ERC1: variants seen among roughly 807,000 people sequenced by gnomAD.
ERC1 encodes ELKS/RAB6-interacting/CAST family member 1.
ERC1 carries 56 observed loss-of-function variants against 132.0 expected under a neutral mutation model. The ratio of observed to expected loss-of-function variants is 0.42; its 90% CI spans 0.34 to 0.53. The LOEUF (loss-of-function observed/expected upper bound fraction) is 0.53. Ranked by LOEUF, ERC1 falls within the 20% of genes least tolerant of loss-of-function variation. The pLI is 0.03. For missense variants in ERC1, 1,202 were observed against 1,349.9 expected (o/e 0.89, Z 1.72); for synonymous variants, 478 against 476.1 (o/e 1.00, Z -0.05).
chr12:1,138,393 AAT>A (rs925275040), intron 7 of ERC1, among the ~76,000 whole-genome samples: 5 of 145,320 alleles, frequency 3.4e-5, no homozygotes, highest in African/African-American at 1.0e-4. Flanking sequence ...TGTAATACAT[AAT>A]ATATGTTATA....
chr12:1,015,361 T>C (rs1247878340), intron 1 of ERC1, among the ~76,000 whole-genome samples: 1 of 152,158 alleles, frequency 6.6e-6, no homozygotes, highest in Non-Finnish European at 1.5e-5. Context: ...GCCTGGCCAT[T>C]GTTTTTCTTT....
chr12:1,472,171 A>C (rs998174894), intron 18 of ERC1, among the ~76,000 whole-genome samples: 9 of 152,120 alleles, frequency 5.9e-5, no homozygotes, highest in Admixed American at 6.5e-5. Flanking sequence ...ACTAAATGAT[A>C]ATTTATGTTT....
intron 13 of ERC1, 29 bp from the exon 14 acceptor site, chr12:1,263,005 A>C (rs1369012383): frequency 6.2e-7 from 1 of 1,611,960 alleles, no homozygotes; most frequent in Non-Finnish European, 8.5e-7. Context: ...TAATTAATCC[A>C]CTTCACCTAG....
At chr12:1,287,840 T>C (rs1225094932) in intron 14 of ERC1, among the ~76,000 whole-genome samples, 1 of 152,224 alleles carries the variant, frequency 6.6e-6, no homozygotes, top group Admixed American at 6.5e-5. Flanking sequence ...TAAGTCTTTA[T>C]TTACACATAT....
rs866971715 is a variant in ERC1, at chr12:1,400,928, T to A, written c.2926-7221T>A. Among the ~76,000 whole-genome samples the A allele has an allele frequency of 4.5e-3, 311 of 69,524 alleles. 2 individuals are homozygous for A. The highest frequency in any genetic ancestry group is 0.021 in the African/African-American group (255 of 12,070). The allele number at this position is 69,524 out of a possible 152,430, so 45.6% of individuals were successfully genotyped here. ...TGGCTATTTTTGTATTTTTTTTTTT[T>A]TTTTTTTTTTTTTTTTTTTTTTTTT... On this transcript the variant is annotated intron_variant, in intron 16 of 18. Transcript: ENST00000360905.
intron 16 of ERC1, among the ~76,000 whole-genome samples, chr12:1,374,374 T>A (rs1305620850): frequency 6.6e-6 from 1 of 152,094 alleles, no homozygotes; most frequent in Non-Finnish European, 1.5e-5. Flanking sequence ...TTACCCCCTC[T>A]AACCACCGCC....
chr12:1,063,975 G>A (rs1055156432), intron 2 of ERC1, among the ~76,000 whole-genome samples: 1 of 152,118 alleles, frequency 6.6e-6, no homozygotes, highest in African/African-American at 2.4e-5. Flanking sequence ...GTTTAGTGGT[G>A]AATTTTTTCA....
At chr12:1,112,927 C>A (rs1218708232) in intron 6 of ERC1, among the ~76,000 whole-genome samples, 2 of 152,120 alleles carry the variant, frequency 1.3e-5, no homozygotes, top group Non-Finnish European at 2.9e-5. Flanking sequence ...CCCTCCATAT[C>A]TGTGGATTTG....
intron 7 of ERC1, among the ~76,000 whole-genome samples, chr12:1,122,943 G>C (rs1490753173): frequency 6.6e-6 from 1 of 152,044 alleles, no homozygotes. Context: ...CTGGGGCAGA[G>C]CATTTGTTCT....
At chr12:1,377,872 C>A (rs551751217) in intron 16 of ERC1, among the ~76,000 whole-genome samples, 1 of 152,154 alleles carries the variant, frequency 6.6e-6, no homozygotes, top group East Asian at 1.9e-4. Context: ...AGGTGAATAC[C>A]TTTTTGAAGG....
chr12:1,398,999 G>A (rs934136651), intron 16 of ERC1, among the ~76,000 whole-genome samples: 2 of 132,278 alleles, frequency 1.5e-5, no homozygotes, highest in Non-Finnish European at 3.1e-5. Context: ...AGGCTGGAGA[G>A]CAATGGTGCG....
At chr12:1,165,369 G>T (rs1593873988) in intron 8 of ERC1, among the ~76,000 whole-genome samples, 1 of 151,710 alleles carries the variant, frequency 6.6e-6, no homozygotes, top group East Asian at 1.9e-4. Context: ...GCAGTGGCGC[G>T]ATCTTGGCTC....
chr12:1,238,329 T>A lies in ERC1; in HGVS notation c.2487+1425T>A, dbSNP rs1373424002. 2.6e-5 allele frequency among the ~76,000 whole-genome samples: 4 copies of A among 152,326 alleles called. No individual in the cohort carries two copies. In the East Asian group the frequency reaches 7.7e-4, roughly 29 times the overall value. The stretch of plus-strand genomic sequence containing the variant: ...CTTCCATTGTTAGGTTTTCCTCCCA[T>A]GGATTTTTTGCTTAGTTTATCCACA... On this transcript the variant is annotated intron_variant, in intron 13 of 18. Transcript: ENST00000360905.
chr12:1,180,293 GTGTGCGCGCGCGCA>G (rs1566163447), intron 8 of ERC1, among the ~76,000 whole-genome samples: 1 of 127,246 alleles, frequency 7.9e-6, no homozygotes, highest in Non-Finnish European at 1.5e-5. Flanking sequence ...GCGCGCACGC[GTGTGCGCGCGCGCA>G]TACACATGTG....
At chr12:1,145,173 C>T (rs1486592811) in intron 8 of ERC1, among the ~76,000 whole-genome samples, 7 of 151,994 alleles carry the variant, frequency 4.6e-5, no homozygotes, top group African/African-American at 1.7e-4. Context: ...CTCGCCACCA[C>T]GCCCCACTAA....
chr12:1,191,678 A>C (rs1451693793), intron 12 of ERC1, among the ~76,000 whole-genome samples: 1 of 152,206 alleles, frequency 6.6e-6, no homozygotes, highest in Non-Finnish European at 1.5e-5. Context: ...ACCAAATAGC[A>C]GCTTTTATTA....
chr12:1,252,005 A>G (rs1337596939), intron 13 of ERC1, among the ~76,000 whole-genome samples: 1 of 152,090 alleles, frequency 6.6e-6, no homozygotes, highest in Non-Finnish European at 1.5e-5. Context: ...TTTAATTATA[A>G]TGGATACATA....
chr12:1,013,571 G>A (rs778997289), intron 1 of ERC1, among the ~76,000 whole-genome samples: 5 of 152,104 alleles, frequency 3.3e-5, no homozygotes, highest in South Asian at 2.1e-4. Context: ...CCACACTGTC[G>A]TGTAGTTTTA....
chr12:1,177,770 G>A (rs935939126), intron 8 of ERC1, among the ~76,000 whole-genome samples: 2 of 152,184 alleles, frequency 1.3e-5, no homozygotes, highest in Admixed American at 1.3e-4. Flanking sequence ...AAGTAGTGCC[G>A]ATAGACTTGC....
Sources: gnomAD v4.1 joint callset for allele counts (sites outside exome capture counted in the v4.1 genomes callset) on GRCh38, gnomAD v4.1.1 for gene constraint, MANE v1.5 for transcripts, NCBI Gene and HGNC (gene_info 2026-07-23, HGNC 2026-07-21) for gene names.